Variants in CSMD1 observed in about 807,000 individuals in gnomAD.
The protein encoded by CSMD1 is CUB and sushi domain-containing protein 1.
A neutral mutation model predicts 417.5 loss-of-function variants in CSMD1; 213 were observed. The ratio of observed to expected loss-of-function variants is 0.51; its 90% confidence interval spans 0.46 to 0.57. The LOEUF (loss-of-function observed/expected upper bound fraction) is 0.57. Ranked by LOEUF, CSMD1 falls within the 20% of genes least tolerant of loss-of-function variation. The probability of loss-of-function intolerance (pLI) is 0.00; values close to 1 mark genes in which losing one functional copy is unlikely to be tolerated. For synonymous variants in CSMD1, 2,862 were observed against 1,736.8 expected (o/e 1.65, Z -16.11); for missense variants, 6,923 against 4,529.7 (o/e 1.53, Z -15.17).
chr8:3,464,881 A>G (rs904920834), intron 12 of CSMD1, among the ~76,000 whole-genome samples: 2 of 152,154 alleles, frequency 1.3e-5, no homozygotes, highest in Admixed American at 6.5e-5. Context: ...GACACTTAAC[A>G]TGATCTCCCT....
At chr8:3,376,791 TTA>T (rs35209106) in intron 18 of CSMD1, among the ~76,000 whole-genome samples, 75,528 of 151,068 alleles carry the variant, frequency 0.5, 19,067 homozygotes, top group African/African-American at 0.55. Context: ...AATATTATAA[TTA>T]TTTTTTTTTC....
At chr8:3,727,449 G>A (rs190845042) in intron 6 of CSMD1, among the ~76,000 whole-genome samples, 117 of 152,264 alleles carry the variant, frequency 7.7e-4, no homozygotes, top group African/African-American at 2.5e-3. Flanking sequence ...TAACATGAGG[G>A]TGACCAATGT....
intron 1 of CSMD1, among the ~76,000 whole-genome samples, chr8:4,764,963 T>G (rs1299776312): frequency 6.6e-6 from 1 of 151,940 alleles, no homozygotes; most frequent in Non-Finnish European, 1.5e-5. Context: ...TGCACACTCT[T>G]TATTTAAAAT....
chr8:4,075,632 C>G (rs1254756394), intron 3 of CSMD1, among the ~76,000 whole-genome samples: 1 of 152,122 alleles, frequency 6.6e-6, no homozygotes, highest in African/African-American at 2.4e-5. Context: ...TAGTATAACT[C>G]ACACTGTGTT....
At chr8:4,551,585 C>T (rs568014004) in intron 2 of CSMD1, among the ~76,000 whole-genome samples, 1 of 152,266 alleles carries the variant, frequency 6.6e-6, no homozygotes, top group East Asian at 1.9e-4. Context: ...CCATGTCACC[C>T]CACACTCAAG....
At chr8:3,804,192 G>C (rs1323437818) in intron 5 of CSMD1, among the ~76,000 whole-genome samples, 1 of 152,058 alleles carries the variant, frequency 6.6e-6, no homozygotes, top group East Asian at 1.9e-4. Flanking sequence ...TCAGCCTCCA[G>C]AAGTGTTGGG....
At chr8:3,481,724 CAG>C (rs967513441) in intron 11 of CSMD1, among the ~76,000 whole-genome samples, 70 of 152,244 alleles carry the variant, frequency 4.6e-4, no homozygotes, top group African/African-American at 1.6e-3. Flanking sequence ...ACTCTGAATT[CAG>C]AGAGTGGGTT....
At chr8:3,246,597 G>C (rs549315938) in intron 26 of CSMD1, among the ~76,000 whole-genome samples, 19 of 152,218 alleles carry the variant, frequency 1.2e-4, no homozygotes, top group African/African-American at 4.6e-4. Flanking sequence ...TCAGCCTCCT[G>C]AGTAGCTGGG....
At chr8:4,364,953 G>A (rs192020442) in intron 3 of CSMD1, among the ~76,000 whole-genome samples, 2 of 150,988 alleles carry the variant, frequency 1.3e-5, no homozygotes, top group African/African-American at 4.8e-5. Flanking sequence ...ACAAAAACGT[G>A]CAAGGGATTT....
At chr8:3,195,665 T>C (rs898508) in intron 33 of CSMD1, among the ~76,000 whole-genome samples, 103,642 of 151,530 alleles carry the variant, frequency 0.68, 36,143 homozygotes, top group Non-Finnish European at 0.76. Flanking sequence ...GACCAGGGAA[T>C]TTAGGGAGAA....
chr8:4,844,996 T>A (rs1411940965), intron 1 of CSMD1, among the ~76,000 whole-genome samples: 2 of 152,178 alleles, frequency 1.3e-5, no homozygotes, highest in African/African-American at 4.8e-5. Flanking sequence ...ATTTTAAAAA[T>A]CATTTTCACA....
At chr8:4,000,089 ATGTC>A (rs1815548421) in intron 4 of CSMD1, among the ~76,000 whole-genome samples, 1 of 152,242 alleles carries the variant, frequency 6.6e-6, no homozygotes, top group Non-Finnish European at 1.5e-5. Context: ...CCACTACCAA[ATGTC>A]TGTCCTGCCC....
chr8:3,721,050 C>T lies in CSMD1; in HGVS notation c.932-12559G>A, dbSNP rs186331470. Among the ~76,000 whole-genome samples the T allele has an allele frequency of 2.0e-5, 3 of 152,124 alleles. No individual in the cohort carries two copies. The East Asian group carries it at 5.8e-4, about 29-fold the overall frequency. ...GTTAGTCACGCTGGTCTCAAACTCC[C>T]GACCTTGGGTGATCTGCCCGCCTCG... On this transcript the variant is annotated intron_variant, in intron 6 of 69. Coordinates refer to ENST00000635120, the MANE Select transcript of CSMD1 (RefSeq NM_033225.6).
At chr8:4,886,128 C>G (rs1187611297) in intron 1 of CSMD1, among the ~76,000 whole-genome samples, 4 of 151,974 alleles carry the variant, frequency 2.6e-5, no homozygotes, top group Non-Finnish European at 5.9e-5. Context: ...GTAGCTGAGA[C>G]CACAGGCACA....
chr8:3,456,098 G>T (rs1409657571), intron 12 of CSMD1, among the ~76,000 whole-genome samples: 2 of 152,156 alleles, frequency 1.3e-5, no homozygotes, highest in Non-Finnish European at 2.9e-5. Context: ...ATGGGCGTAG[G>T]ACCCTCAAAG....
chr8:4,353,845 C>G (rs1158923228), intron 3 of CSMD1, among the ~76,000 whole-genome samples: 1 of 152,184 alleles, frequency 6.6e-6, no homozygotes, highest in African/African-American at 2.4e-5. Context: ...GTGACCCGCA[C>G]TTAATTATGG....
chr8:4,716,289 C>T (rs891951421), intron 1 of CSMD1, among the ~76,000 whole-genome samples: 1 of 152,118 alleles, frequency 6.6e-6, no homozygotes, highest in South Asian at 2.1e-4. Flanking sequence ...CCCTCAACAC[C>T]CAGAAAGGGC....
At chr8:3,439,715 G>A (rs1358036574) in intron 12 of CSMD1, among the ~76,000 whole-genome samples, 1 of 152,002 alleles carries the variant, frequency 6.6e-6, no homozygotes, top group African/African-American at 2.4e-5. Context: ...TGGGGGACAA[G>A]TCTAAGAAAT....
intron 4 of CSMD1, among the ~76,000 whole-genome samples, chr8:4,011,095 G>C (rs1419196660): frequency 6.6e-6 from 1 of 152,100 alleles, no homozygotes; most frequent in Non-Finnish European, 1.5e-5. Context: ...ATTTCACAAA[G>C]AAAATAGAAG....
Sources: allele counts gnomAD v4.1 joint callset (sites outside exome capture counted in the v4.1 genomes callset), GRCh38; gene constraint gnomAD v4.1.1; transcripts MANE v1.5; gene names NCBI Gene and HGNC (gene_info 2026-07-23, HGNC 2026-07-21).